The following COL5A1 variants were observed in gnomAD, a reference collection of about 807,000 sequenced individuals.
COL5A1 encodes the protein collagen alpha-1(V) chain.
Under a neutral mutation model 263.7 loss-of-function variants are expected in COL5A1, and 16 were observed. That is an observed-to-expected ratio of 0.06 (90% CI 0.04 to 0.09). The LOEUF is 0.09. Ranked by LOEUF, COL5A1 falls within the 10% of genes least tolerant of loss-of-function variation. The pLI is 1.00. For synonymous variants in COL5A1, 1,012 were observed against 1,004.5 expected (o/e 1.01, Z -0.14); for missense variants, 2,036 against 2,540.5 (o/e 0.80, Z 4.27).
Position 134,652,777 on chromosome 9 carries a change from C to T in COL5A1, c.109+10481C>T, listed in dbSNP as rs1235227938. The stretch of plus-strand genomic sequence containing the variant: ...TCTTCTTAGGCCGGGTCCAGCGTTT[C>T]TCCTCATGGTGTAGACCAGCAGTTC... On this transcript the variant is annotated intron_variant, in intron 1 of 65. Coordinates refer to ENST00000371817, the MANE Select transcript of COL5A1 (RefSeq NM_000093.5). This position sits in a 1 kb window ranked among gnomAD's most constrained non-coding sequence, Gnocchi z 4.4. The T allele has an allele frequency of 2.1e-6, 1 of 470,168 alleles. No homozygotes were observed. The highest frequency in any genetic ancestry group is 4.4e-6 in the Non-Finnish European group (1 of 226,620). The allele number at this position is 470,168 out of a possible 1,614,324, so 29.1% of individuals were successfully genotyped here. A position where few individuals can be genotyped will look rare whatever the true frequency, so the allele number is the denominator to read the frequency against.
chr9:134,818,318 C>A lies in COL5A1; in HGVS notation c.4231-338C>A, dbSNP rs1049064767. Among the ~76,000 whole-genome samples, 1 of 152,210 alleles carries A rather than the reference C, an allele frequency of 6.6e-6. No individual in the cohort carries two copies. The highest frequency in any genetic ancestry group is 2.4e-5 in the African/African-American group (1 of 41,450). On this transcript the variant is annotated intron_variant, in intron 54 of 65. Coordinates refer to ENST00000371817, the MANE Select transcript of COL5A1 (RefSeq NM_000093.5). This position sits in a 1 kb window ranked among gnomAD's most constrained non-coding sequence, Gnocchi z 6.0. The stretch of plus-strand genomic sequence containing the variant: ...TGTCAGTGAGGTGATGGCGGCCCGG[C>A]CTGGCACTGTCTGCCTCCCTCCTGG...
rs191673289 is a variant in COL5A1, at chr9:134,752,679, G to A, written c.1719+34G>A. The stretch of plus-strand genomic sequence containing the variant: ...TTGGCAAATCTGAGAGCTGGGCGTG[G>A]TGTGGGGATTGGCCCACTCCCTGTG... On this transcript the variant is annotated intron_variant, in intron 14 of 65. Coordinates refer to ENST00000371817, the MANE Select transcript of COL5A1 (RefSeq NM_000093.5). 7.6e-5 allele frequency: 118 copies of A among 1,562,242 alleles called. 1 individual carries two copies. In the African/African-American group the frequency reaches 1.2e-3, roughly 16 times the overall value.
rs1003863478 is a variant in COL5A1, at chr9:134,822,135, G to C, written c.4593G>C (p.Gly1531=). ...TGPSGPIGPP[G]PPGLPGPPGP... ...CTTCTGGCCCGATTGGGCCTCCTGG[G>C]CCCCCTGGCCTGCCGGTGTGTATCT... The change falls in exon 59 of 66, where the codon GGG becomes GGC. Residue 1531 remains glycine, a synonymous_variant. Transcript: ENST00000371817. The C allele has an allele frequency of 6.4e-7, 1 of 1,559,372 alleles. No individual in the cohort carries two copies. Among genetic ancestry groups the C allele is most frequent in the African/African-American group, 1.3e-5 (1 of 74,494 alleles).
At position 134,642,788 on chromosome 9, in the gene COL5A1, C is replaced by T. The variant is rs1831342538; in HGVS notation, c.109+492C>T. Among the ~76,000 whole-genome samples the T allele has an allele frequency of 1.3e-5, 2 of 152,230 alleles. No homozygotes were observed. Among genetic ancestry groups the T allele is most frequent in the African/African-American group, 4.8e-5 (2 of 41,458 alleles). ...TGGGCCCCCAGCACTGAACTTCCCC[C>T]AGGCACTGTCACTCTAGGCTGAGCT... On this transcript the variant is annotated intron_variant, in intron 1 of 65. Transcript: ENST00000371817. This position sits in a 1 kb window ranked among gnomAD's most constrained non-coding sequence, Gnocchi z 4.5.
chr9:134,665,148 G>A lies in COL5A1; in HGVS notation c.109+22852G>A, dbSNP rs12350403. ...CTGGAGACGGAGGTTGCAGTGAGCC[G>A]AGATCATGCCACTGCACTCCAGCCT... On this transcript the variant is annotated intron_variant, in intron 1 of 65. Transcript: ENST00000371817. Among the ~76,000 whole-genome samples, 639 of 152,276 alleles carry A rather than the reference G, an allele frequency of 4.2e-3. 7 individuals are homozygous for A. Among genetic ancestry groups the A allele is most frequent in the African/African-American group, 0.015 (618 of 41,542 alleles).
At chr9:134,766,973 C>T (rs376809890) in intron 22 of COL5A1, 27 bp from the exon 23 acceptor site, 6 of 1,610,956 alleles carry the variant, frequency 3.7e-6, no homozygotes, top group Non-Finnish European at 5.1e-6. Context: ...GAGCCCCCTT[C>T]AGTGCCTTTG....
intron 18 of COL5A1, among the ~76,000 whole-genome samples, chr9:134,759,927 ACACACACG>A (rs1836240210): frequency 8.9e-6 from 1 of 112,120 alleles, no homozygotes; most frequent in African/African-American, 3.6e-5. Flanking sequence ...TCATACATGC[ACACACACG>A]CATACATACC....
chr9:134,760,472 CAT>C (rs1564440285), intron 18 of COL5A1, among the ~76,000 whole-genome samples: 1 of 113,202 alleles, frequency 8.8e-6, no homozygotes, highest in African/African-American at 4.1e-5. Flanking sequence ...CCCCCACATT[CAT>C]ACACACATGC....
intron 1 of COL5A1, among the ~76,000 whole-genome samples, chr9:134,654,656 T>TAGG (rs1831868759): frequency 1.1e-5 from 1 of 89,894 alleles, no homozygotes; most frequent in East Asian, 4.2e-4. Flanking sequence ...TGTGTAGGGC[T>TAGG]GGTGTGTGTA....
At chr9:134,756,953 G>T in intron 17 of COL5A1, 135 bp downstream of exon 17, 1 of 860,912 alleles carries the variant, frequency 1.2e-6, no homozygotes, top group Non-Finnish European at 1.9e-6. Flanking sequence ...GGCATTTGAC[G>T]TGAAGATAGG....
intron 48 of COL5A1, 122 bp from the exon 49 acceptor site, chr9:134,813,861 C>G: frequency 1.9e-6 from 2 of 1,059,934 alleles, no homozygotes; most frequent in South Asian, 2.7e-5. Context: ...CCAGAAACCC[C>G]TGGGTCCTGG....
chr9:134,842,401 G>C lies in COL5A1; in HGVS notation c.*98G>C. 3 of 1,435,560 alleles carry C rather than the reference G, an allele frequency of 2.1e-6. No individual in the cohort carries two copies. The highest frequency in any genetic ancestry group is 2.9e-6 in the Non-Finnish European group (3 of 1,042,720). The allele number at this position is 1,435,560 out of a possible 1,614,324, so 88.9% of individuals were successfully genotyped here. A position where few individuals can be genotyped will look rare whatever the true frequency, so the allele number is the denominator to read the frequency against. On this transcript the variant is annotated 3_prime_UTR_variant, in exon 66 of 66. Transcript: ENST00000371817. The surrounding 1 kb of genome is among the most constrained non-coding windows in gnomAD (Gnocchi z 5.8). ...CACGTCCTGACCCTGGACAGTGAAG[G>C]CTTCTCCCTCCCCTCCCACCTGACT... is the stretch of plus-strand genomic sequence containing the variant.
intron 37 of COL5A1, among the ~76,000 whole-genome samples, chr9:134,800,749 C>CAAAAAAAA (rs397951217): frequency 0.01 from 847 of 81,352 alleles, 5 homozygotes; most frequent in East Asian, 0.018. Context: ...CTGTCTCAAA[C>CAAAAAAAA]AAAAAAAAAA....
intron 24 of COL5A1, among the ~76,000 whole-genome samples, chr9:134,768,119 GC>G (rs567619875): frequency 3.3e-5 from 5 of 152,114 alleles, no homozygotes; most frequent in Non-Finnish European, 5.9e-5. Context: ...GCCAGATGAT[GC>G]CCCCCCGGGC....
At chr9:134,747,817 A>G (rs1337007591) in intron 11 of COL5A1, among the ~76,000 whole-genome samples, 3 of 120,788 alleles carry the variant, frequency 2.5e-5, no homozygotes, top group African/African-American at 3.7e-5. Flanking sequence ...ACACATGCAC[A>G]CATGCGTTCA....
chr9:134,808,781 A>ATC (rs1838400380), intron 42 of COL5A1, among the ~76,000 whole-genome samples: 1 of 152,138 alleles, frequency 6.6e-6, no homozygotes, highest in Non-Finnish European at 1.5e-5. Context: ...AAGAATCAGA[A>ATC]AGCTGGTGAA....
chr9:134,768,267 A>C (rs1836747562), intron 24 of COL5A1, 143 bp from the exon 25 acceptor site: 1 of 806,674 alleles, frequency 1.2e-6, no homozygotes, highest in Non-Finnish European at 2.2e-6. Flanking sequence ...CACGCCTCAC[A>C]GCCAGGGACC....
chr9:134,759,858 C>T (rs1404937384), intron 18 of COL5A1, among the ~76,000 whole-genome samples: 3 of 78,040 alleles, frequency 3.8e-5, no homozygotes, highest in African/African-American at 8.7e-5. Flanking sequence ...CCCCACACCC[C>T]CACACTCACA....
chr9:134,798,852 T>C (rs1838010990), intron 37 of COL5A1, among the ~76,000 whole-genome samples: 1 of 152,238 alleles, frequency 6.6e-6, no homozygotes, highest in Non-Finnish European at 1.5e-5. Flanking sequence ...GCTTGAGGGA[T>C]ACGTCTTTTA....
Sources: allele counts gnomAD v4.1 joint callset (sites outside exome capture counted in the v4.1 genomes callset), GRCh38; gene constraint gnomAD v4.1.1; non-coding constraint Gnocchi (gnomAD v3.1); transcripts MANE v1.5; gene names NCBI Gene and HGNC (gene_info 2026-07-23, HGNC 2026-07-21).